Variants in NPAS3 observed in about 807,000 individuals in gnomAD.
NPAS3 encodes neuronal PAS domain-containing protein 3.
In NPAS3, 14 loss-of-function variants were observed where a neutral mutation model predicts 73.1. The ratio of observed to expected loss-of-function variants is 0.19; its 90% CI spans 0.13 to 0.30. NPAS3 has a LOEUF of 0.30. NPAS3 is among the 10% of genes least tolerant of loss of function. The probability of loss-of-function intolerance (pLI) is 1.00; values close to 1 mark genes in which losing one functional copy is unlikely to be tolerated. For missense variants in NPAS3, 1,096 were observed against 1,250.0 expected (o/e 0.88, Z 1.86); for synonymous variants, 620 against 541.5 (o/e 1.14, Z -2.01).
intron 2 of NPAS3, among the ~76,000 whole-genome samples, chr14:33,056,320 A>T (rs1267146466): frequency 6.6e-6 from 1 of 152,204 alleles, no homozygotes; most frequent in Non-Finnish European, 1.5e-5. Flanking sequence ...TCGGCAAAAT[A>T]CATTGCACAG....
At chr14:33,803,855 A>G, downstream of NPAS3, 1 of 152,312 alleles carries the variant, frequency 6.6e-6, no homozygotes, top group Middle Eastern at 3.4e-3. Context: ...GTTCGTAAAA[A>G]TCTTAGCAGT....
chr14:33,718,107 C>T (rs2061006450), intron 6 of NPAS3, among the ~76,000 whole-genome samples: 1 of 152,096 alleles, frequency 6.6e-6, no homozygotes, highest in African/African-American at 2.4e-5. Context: ...AAACCAGCAG[C>T]TGCTGACTTG....
At chr14:33,158,591 A>C (rs1053375573) in intron 2 of NPAS3, among the ~76,000 whole-genome samples, 1 of 152,310 alleles carries the variant, frequency 6.6e-6, no homozygotes, top group African/African-American at 2.4e-5. Flanking sequence ...GGGAGTTCTA[A>C]GGTACTGCAG....
chr14:33,444,350 G>A (rs1208988211), intron 4 of NPAS3, among the ~76,000 whole-genome samples: 4 of 152,232 alleles, frequency 2.6e-5, no homozygotes, highest in Non-Finnish European at 4.4e-5. Context: ...AACAAGTCAT[G>A]TGAGCAGTGA....
At chr14:33,459,255 A>G (rs2050152824) in intron 4 of NPAS3, among the ~76,000 whole-genome samples, 1 of 152,300 alleles carries the variant, frequency 6.6e-6, no homozygotes, top group Admixed American at 6.5e-5. Flanking sequence ...CTTTGAACGC[A>G]TGACCATCTG....
At chr14:33,437,384 T>C (rs904107781) in intron 4 of NPAS3, among the ~76,000 whole-genome samples, 2 of 152,178 alleles carry the variant, frequency 1.3e-5, no homozygotes, top group African/African-American at 4.8e-5. Flanking sequence ...TTACCTGATA[T>C]ATCTGTGGCC....
intron 2 of NPAS3, among the ~76,000 whole-genome samples, chr14:33,180,068 C>T (rs560711373): frequency 1.3e-5 from 2 of 152,208 alleles, no homozygotes; most frequent in South Asian, 4.2e-4. Context: ...TATTTTTTCT[C>T]AGCATCAGAA....
At chr14:33,609,209 A>G (rs2057672856) in intron 5 of NPAS3, among the ~76,000 whole-genome samples, 1 of 152,218 alleles carries the variant, frequency 6.6e-6, no homozygotes, top group South Asian at 2.1e-4. Context: ...CCTCTTTATA[A>G]AAAATGCTAA....
chr14:32,936,781 A>T (rs1452508998), upstream of NPAS3, among the ~76,000 whole-genome samples: 3 of 152,266 alleles, frequency 2.0e-5, no homozygotes, highest in African/African-American at 7.2e-5. Flanking sequence ...CCTCAGAGAG[A>T]ATTTTCCCTC....
chr14:32,935,379 G>A (rs1045908900), upstream of NPAS3, among the ~76,000 whole-genome samples: 1 of 152,178 alleles, frequency 6.6e-6, no homozygotes, highest in African/African-American at 2.4e-5. Context: ...CCGCGCATAC[G>A]GACAGCTAGG....
intron 4 of NPAS3, among the ~76,000 whole-genome samples, chr14:33,437,261 AC>A (rs2049029217): frequency 6.6e-6 from 1 of 152,168 alleles, no homozygotes; most frequent in South Asian, 2.1e-4. Context: ...TGATGAGGGA[AC>A]TGGTTTTAAA....
chr14:33,389,651 A>G (rs962916348), intron 4 of NPAS3, among the ~76,000 whole-genome samples: 22 of 152,324 alleles, frequency 1.4e-4, no homozygotes, highest in African/African-American at 5.1e-4. Flanking sequence ...TTAGTACACC[A>G]TTAACATGAA....
chr14:33,173,026 GT>G (rs1417386009), intron 2 of NPAS3, among the ~76,000 whole-genome samples: 1 of 152,104 alleles, frequency 6.6e-6, no homozygotes, highest in Admixed American at 6.6e-5. Context: ...AGAATTGCTT[GT>G]TTTTGATTTT....
chr14:33,508,127 G>A (rs576402093), intron 4 of NPAS3, among the ~76,000 whole-genome samples: 10 of 152,106 alleles, frequency 6.6e-5, no homozygotes, highest in East Asian at 3.9e-4. Flanking sequence ...AAAGCAGCCC[G>A]CATTCAGGTT....
At chr14:33,633,637 C>A (rs555763282) in intron 5 of NPAS3, among the ~76,000 whole-genome samples, 1 of 152,106 alleles carries the variant, frequency 6.6e-6, no homozygotes, top group Non-Finnish European at 1.5e-5. Context: ...AGTAAAAATA[C>A]AGTATTATAA....
intron 5 of NPAS3, among the ~76,000 whole-genome samples, chr14:33,665,496 TA>T (rs1423951287): frequency 6.6e-6 from 1 of 152,068 alleles, no homozygotes; most frequent in African/African-American, 2.4e-5. Context: ...ACCTTTTCCG[TA>T]AAAGGTGACA....
chr14:33,024,473 C>T (rs2138291301), intron 1 of NPAS3, among the ~76,000 whole-genome samples: 1 of 152,086 alleles, frequency 6.6e-6, no homozygotes, highest in South Asian at 2.1e-4. Flanking sequence ...CCTGGCCTCC[C>T]AAGTAATATA....
At position 33,113,899 on chromosome 14, in the gene NPAS3, G is replaced by T. The variant is rs368200674; in HGVS notation, c.140+57905G>T. ...TGAAGGTTGTTGAATTTTGTCAAAG[G>T]CCTTTTCTGCATCTATTGAGATAAT... On this transcript the variant is annotated intron_variant, in intron 2 of 11. Coordinates refer to ENST00000356141, the Ensembl canonical transcript of NPAS3. Among the ~76,000 whole-genome samples the T allele has an allele frequency of 8.5e-5, 13 of 152,230 alleles. No homozygotes were observed. The East Asian group carries it at 2.3e-3, about 27-fold the overall frequency.
intron 5 of NPAS3, among the ~76,000 whole-genome samples, chr14:33,608,325 T>C (rs1171126787): frequency 1.1e-5 from 1 of 87,614 alleles, no homozygotes; most frequent in African/African-American, 4.5e-5. Flanking sequence ...CATACATTGA[T>C]TTTAGTATTA....
Sources: gnomAD v4.1 joint callset for allele counts (sites outside exome capture counted in the v4.1 genomes callset) on GRCh38, gnomAD v4.1.1 for gene constraint, MANE v1.5 for transcripts, NCBI Gene and HGNC (gene_info 2026-07-23, HGNC 2026-07-21) for gene names.